The following FYB1 variants were observed in gnomAD, a reference collection of about 807,000 sequenced individuals.
FYB1 encodes the protein FYN-binding protein 1.
In FYB1, 41 loss-of-function variants were observed where a neutral mutation model predicts 94.1. That is an observed-to-expected ratio of 0.44 (90% CI 0.34 to 0.57). The LOEUF (loss-of-function observed/expected upper bound fraction) is 0.57. Ranked by LOEUF, FYB1 falls within the 20% of genes least tolerant of loss-of-function variation. FYB1 has a pLI of 0.02. For missense variants in FYB1, 1,050 were observed against 976.8 expected (o/e 1.07, Z -1.00); for synonymous variants, 367 against 353.2 (o/e 1.04, Z -0.44).
At chr5:39,231,176 A>C (rs867546880) in intron 1 of FYB1, among the ~76,000 whole-genome samples, 3 of 125,198 alleles carry the variant, frequency 2.4e-5, no homozygotes, top group African/African-American at 9.7e-5. Context: ...AAAAAACAAA[A>C]AAAACAAAAC....
At position 39,151,374 on chromosome 5, in the gene FYB1, C is replaced by T. The variant is rs550607301; in HGVS notation, c.1292+2074G>A. Among the ~76,000 whole-genome samples, 6 of 150,498 alleles carry T rather than the reference C, an allele frequency of 4.0e-5. No homozygotes were observed. In the South Asian group the frequency reaches 1.2e-3, roughly 31 times the overall value. On this transcript the variant is annotated intron_variant, in intron 3 of 18. Transcript: ENST00000512982. ...GCACAATTATGGCTCACTGCAGCCT[C>T]GACTTCCTGGGCTGAAGCAATTCTC...
At chr5:39,237,558 A>G (rs918539481) in intron 1 of FYB1, among the ~76,000 whole-genome samples, 11 of 152,104 alleles carry the variant, frequency 7.2e-5, no homozygotes, top group African/African-American at 2.7e-4. Context: ...AGGCTATAAT[A>G]TAAAAATTTC....
intron 2 of FYB1, among the ~76,000 whole-genome samples, chr5:39,171,049 A>T (rs940546119): frequency 6.6e-6 from 1 of 152,152 alleles, no homozygotes; most frequent in Admixed American, 6.5e-5. Flanking sequence ...GCAGTTTGGG[A>T]GGCTGAGGCG....
At chr5:39,233,979 A>T (rs531384609) in intron 1 of FYB1, among the ~76,000 whole-genome samples, 1 of 152,226 alleles carries the variant, frequency 6.6e-6, no homozygotes, top group East Asian at 1.9e-4. Flanking sequence ...TTTGGATGAC[A>T]TTTTGAGAAC....
intron 2 of FYB1, chr5:39,170,085 GC>G: frequency 1.2e-6 from 1 of 838,872 alleles, no homozygotes; most frequent in Non-Finnish European, 2.1e-6. Flanking sequence ...CATTTGCAGT[GC>G]CAGCTAAGAT....
chr5:39,197,250 G>C (rs1042781487), intron 2 of FYB1, among the ~76,000 whole-genome samples: 1 of 152,306 alleles, frequency 6.6e-6, no homozygotes, highest in Non-Finnish European at 1.5e-5. Context: ...TTAAATCTTA[G>C]TGAATAAATA....
intron 1 of FYB1, among the ~76,000 whole-genome samples, chr5:39,215,402 T>C (rs1749777925): frequency 1.3e-5 from 2 of 152,226 alleles, no homozygotes; most frequent in South Asian, 2.1e-4. Context: ...GTGGTTTTCA[T>C]TGCGATGACG....
At chr5:39,181,973 A>G (rs1746283403) in intron 2 of FYB1, among the ~76,000 whole-genome samples, 1 of 152,208 alleles carries the variant, frequency 6.6e-6, no homozygotes, top group Non-Finnish European at 1.5e-5. Flanking sequence ...ATTGCTGTAC[A>G]GCACATCTCT....
At chr5:39,243,264 A>G (rs1232958714) in intron 1 of FYB1, among the ~76,000 whole-genome samples, 1 of 151,998 alleles carries the variant, frequency 6.6e-6, no homozygotes, top group Non-Finnish European at 1.5e-5. Flanking sequence ...TAGGGTTTTT[A>G]TGGTTTTAGG....
At position 39,242,315 on chromosome 5, in the gene FYB1, G is replaced by T. The variant is rs567272870; in HGVS notation, c.-28+32088C>A. Among the ~76,000 whole-genome samples the T allele has an allele frequency of 1.5e-3, 182 of 120,414 alleles. 4 individuals are homozygous for T. The Admixed American group carries it at 0.017, about 11-fold the overall frequency. The allele number at this position is 120,414 out of a possible 152,430, so 79.0% of individuals were successfully genotyped here. Reference sequence around the variant, plus strand: ...TCCCCCCACGCCACGACAGGCCCCAGTGTGTGATGTTCCCCACCGTGTGTC... The same window carrying T: ...TCCCCCCACGCCACGACAGGCCCCATTGTGTGATGTTCCCCACCGTGTGTC... On this transcript the variant is annotated intron_variant, in intron 1 of 1. Transcript: ENST00000510188.
At chr5:39,261,360 A>G (rs1752207530) in intron 1 of FYB1, among the ~76,000 whole-genome samples, 1 of 151,460 alleles carries the variant, frequency 6.6e-6, no homozygotes, top group Admixed American at 6.6e-5. Context: ...ACACACACAC[A>G]CACACACACA....
intron 2 of FYB1, among the ~76,000 whole-genome samples, chr5:39,155,936 A>G (rs1580410492): frequency 6.6e-6 from 1 of 152,192 alleles, no homozygotes. Context: ...ATTTTAATTC[A>G]TAAATAATAT....
At chr5:39,183,437 T>TA (rs1232781190) in intron 2 of FYB1, among the ~76,000 whole-genome samples, 3 of 152,160 alleles carry the variant, frequency 2.0e-5, no homozygotes, top group Non-Finnish European at 2.9e-5. Context: ...AAGCACTGGG[T>TA]AGAGTGTCGA....
intron 1 of FYB1, among the ~76,000 whole-genome samples, chr5:39,266,561 T>A (rs561171967): frequency 2.6e-5 from 4 of 152,186 alleles, no homozygotes; most frequent in Non-Finnish European, 5.9e-5. Context: ...AATTTCCTTA[T>A]AACCACTTGG....
intron 1 of FYB1, among the ~76,000 whole-genome samples, chr5:39,236,641 G>A (rs926009018): frequency 1.1e-4 from 17 of 152,062 alleles, no homozygotes; most frequent in African/African-American, 3.6e-4. Context: ...TAACAATGAA[G>A]AATCAGGGAA....
At chr5:39,169,256 C>G (rs764767922) in intron 2 of FYB1, 1 of 1,127,178 alleles carries the variant, frequency 8.9e-7, no homozygotes, top group Non-Finnish European at 1.3e-6. Context: ...TATAAGTCAA[C>G]AGAACAATCA....
intron 14 of FYB1, 79 bp downstream of exon 14, chr5:39,122,257 A>G (rs944447492): frequency 3.3e-6 from 3 of 901,540 alleles, no homozygotes; most frequent in Non-Finnish European, 5.4e-6. Context: ...CACACATCCC[A>G]CTGGGTTTTT....
intron 9 of FYB1, among the ~76,000 whole-genome samples, chr5:39,133,787 A>AT (rs1741414480): frequency 6.6e-6 from 1 of 152,266 alleles, no homozygotes; most frequent in East Asian, 1.9e-4. Flanking sequence ...CATAAAAATC[A>AT]TTTTTTGTCG....
intron 1 of FYB1, among the ~76,000 whole-genome samples, chr5:39,217,326 C>CA (rs1269570974): frequency 6.6e-6 from 1 of 152,118 alleles, no homozygotes. Flanking sequence ...CTTCATTTTA[C>CA]AAAAAAGAAA....
Sources: gnomAD v4.1 joint callset for allele counts (sites outside exome capture counted in the v4.1 genomes callset) on GRCh38, gnomAD v4.1.1 for gene constraint, MANE v1.5 for transcripts, NCBI Gene and HGNC (gene_info 2026-07-23, HGNC 2026-07-21) for gene names.